The following MAX variants were observed in gnomAD, a reference collection of about 807,000 sequenced individuals.
MAX encodes the protein protein max.
In MAX, 3 loss-of-function variants were observed where a neutral mutation model predicts 22.3. The ratio of observed to expected loss-of-function variants is 0.13; its 90% confidence interval spans 0.06 to 0.35. The LOEUF (loss-of-function observed/expected upper bound fraction) is 0.35. Ranked by LOEUF, MAX falls within the 10% of genes least tolerant of loss-of-function variation. The probability of loss-of-function intolerance (pLI) is 1.00; values close to 1 mark genes in which losing one functional copy is unlikely to be tolerated. For synonymous variants in MAX, 72 were observed against 77.7 expected (o/e 0.93, Z 0.39); for missense variants, 119 against 209.4 (o/e 0.57, Z 2.66).
In MAX at chr14:65,027,414, C is replaced by T; in HGVS notation, c.172-21130G>A. ...GGAATTTGGTGTTTTGACATGAATG[C>T]TCTCTGACTTTGTTTTTGCCCTTTG... On this transcript the variant is annotated intron_variant, in intron 3 of 3. Coordinates refer to the MAX transcript ENST00000341653. The surrounding 1 kb of genome is among the most constrained non-coding windows in gnomAD (Gnocchi z 5.7). The T allele has an allele frequency of 1.2e-6, 2 of 1,610,198 alleles. No homozygotes were observed. Among genetic ancestry groups the T allele is most frequent in the Non-Finnish European group, 8.5e-7 (1 of 1,177,926 alleles).
At chr14:65,013,492 A>G (rs1172608550) in intron 3 of MAX, among the ~76,000 whole-genome samples, 1 of 152,202 alleles carries the variant, frequency 6.6e-6, no homozygotes, top group Non-Finnish European at 1.5e-5. Context: ...TAGTTATGTT[A>G]CAGTTGGTAC....
chr14:65,046,687 C>T (rs1443599565), intron 3 of MAX, among the ~76,000 whole-genome samples: 1 of 151,910 alleles, frequency 6.6e-6, no homozygotes, highest in Non-Finnish European at 1.5e-5. Flanking sequence ...GAAAGGAGGG[C>T]AAAATACTGA....
intron 3 of MAX, among the ~76,000 whole-genome samples, chr14:65,085,311 C>T (rs1188674720): frequency 6.6e-6 from 1 of 152,102 alleles, no homozygotes; most frequent in African/African-American, 2.4e-5. Flanking sequence ...TTGTCATAGC[C>T]AAAGGGAAGG....
At chr14:65,070,324 T>C (rs1188880825), downstream of MAX, among the ~76,000 whole-genome samples, 4 of 152,144 alleles carry the variant, frequency 2.6e-5, no homozygotes, top group Non-Finnish European at 5.9e-5. This position sits in a 1 kb window ranked among gnomAD's most constrained non-coding sequence, Gnocchi z 4.4. Context: ...TTTCTTAATA[T>C]TGGATCCTTG....
In MAX at chr14:65,032,080, G is replaced by A. The variant is rs1038725581; in HGVS notation, c.172-25796C>T. 1.3e-5 allele frequency among the ~76,000 whole-genome samples: 2 copies of A among 150,652 alleles called. No homozygotes were observed. Among genetic ancestry groups the A allele is most frequent in the Admixed American group, 6.6e-5 (1 of 15,142 alleles). ...CCTCTAGAGGTTTAAGGACTGTATT[G>A]GAGTGGACTCACCTGTTCCTATCCT... On this transcript the variant is annotated intron_variant, in intron 3 of 3. Coordinates refer to the MAX transcript ENST00000341653. The surrounding 1 kb of genome is among the most constrained non-coding windows in gnomAD (Gnocchi z 5.0).
Position 65,047,188 on chromosome 14 carries a change from G to C in MAX, c.172-40904C>G, listed in dbSNP as rs2062503385. Reference sequence around the variant, plus strand: ...TTCCCAAGCCCTCACTGTATGCCAGGGGCTGTACTGAGCATTTCACATATG... The same window carrying C: ...TTCCCAAGCCCTCACTGTATGCCAGCGGCTGTACTGAGCATTTCACATATG... On this transcript the variant is annotated intron_variant, in intron 3 of 3. Transcript: ENST00000341653. This position sits in a 1 kb window ranked among gnomAD's most constrained non-coding sequence, Gnocchi z 5.2. 6.6e-6 allele frequency among the ~76,000 whole-genome samples: 1 copy of C among 152,110 alleles called. No individual in the cohort carries two copies. The highest frequency in any genetic ancestry group is 2.4e-5 in the African/African-American group (1 of 41,416).
At chr14:65,085,535 C>T (rs2139809879) in intron 3 of MAX, among the ~76,000 whole-genome samples, 1 of 152,292 alleles carries the variant, frequency 6.6e-6, no homozygotes, top group South Asian at 2.1e-4. Flanking sequence ...GTATGACAGT[C>T]TCCCAGAAGG....
chr14:65,086,384 T>A (rs1455647010), intron 3 of MAX, among the ~76,000 whole-genome samples: 1 of 152,050 alleles, frequency 6.6e-6, no homozygotes, highest in African/African-American at 2.4e-5. Context: ...GACAGAAAAA[T>A]GTGGGAAAGT....
Position 65,009,608 on chromosome 14 carries a change from C to T in MAX, c.172-3324G>A, listed in dbSNP as rs546687256. Reference sequence around the variant, plus strand: ...TCACCTCTCCTACTATACCCTCATCCCAGCCCTCCTCCATCCTCTTTACAG... The same window carrying T: ...TCACCTCTCCTACTATACCCTCATCTCAGCCCTCCTCCATCCTCTTTACAG... On this transcript the variant is annotated intron_variant, in intron 3 of 3. Transcript: ENST00000341653. The surrounding 1 kb of genome is among the most constrained non-coding windows in gnomAD (Gnocchi z 4.2). 1.9e-4 allele frequency among the ~76,000 whole-genome samples: 29 copies of T among 152,260 alleles called. No homozygotes were observed. Among genetic ancestry groups the T allele is most frequent in the Middle Eastern group, 3.4e-3 (1 of 294 alleles).
rs2061609341 is a variant in MAX at position 65,007,244 on chromosome 14, A to G, written c.172-960T>C. On this transcript the variant is annotated intron_variant, in intron 3 of 3. Coordinates refer to the MAX transcript ENST00000341653. The surrounding 1 kb of genome is among the most constrained non-coding windows in gnomAD (Gnocchi z 4.9). ...TTTAAATCATTATCACAGTCTCAAT[A>G]TTTAACATATTAATAGTCAAAATTT... Among the ~76,000 whole-genome samples the G allele has an allele frequency of 6.6e-6, 1 of 152,268 alleles. No individual in the cohort carries two copies. The highest frequency in any genetic ancestry group is 6.5e-5 in the Admixed American group (1 of 15,288).
chr14:65,052,481 A>G (rs780333783), intron 3 of MAX, among the ~76,000 whole-genome samples: 48 of 152,314 alleles, frequency 3.2e-4, no homozygotes, highest in Non-Finnish European at 5.7e-4. Flanking sequence ...TATATTTTTA[A>G]TCGATTTCTA....
At chr14:65,015,418 T>TC in intron 3 of MAX, 1 of 293,272 alleles carries the variant, frequency 3.4e-6, no homozygotes. Context: ...ATCTTTTTTT[T>TC]TTTTTTTTTT....
chr14:65,059,819 G>C (rs1170054586), intron 3 of MAX, among the ~76,000 whole-genome samples: 1 of 149,622 alleles, frequency 6.7e-6, no homozygotes, highest in African/African-American at 2.5e-5. Context: ...CTACATATTA[G>C]GGTTGTGGTC....
intron 3 of MAX, chr14:65,053,082 G>A (rs538106721): frequency 3.4e-4 from 155 of 460,810 alleles, no homozygotes; most frequent in Non-Finnish European, 3.9e-4. Context: ...CATGCTGTGC[G>A]TAGGACATGG....
chr14:65,021,543 G>C (rs1342677810), intron 3 of MAX, among the ~76,000 whole-genome samples: 2 of 152,090 alleles, frequency 1.3e-5, no homozygotes, highest in Non-Finnish European at 2.9e-5. Context: ...GCACCTGGTG[G>C]GTGCAGGTCA....
chr14:65,079,600 G>A lies in MAX; in HGVS notation c.172-1564C>T, dbSNP rs966068277. 4.6e-5 allele frequency among the ~76,000 whole-genome samples: 7 copies of A among 152,192 alleles called. No individual in the cohort carries two copies. Among genetic ancestry groups the A allele is most frequent in the Admixed American group, 3.9e-4 (6 of 15,282 alleles). ...TCCAGCCAGAGACTCCTGAGCAGCC[G>A]GAAAGCTTCTTACTCAGGGTAGGGA... On this transcript the variant is annotated intron_variant, in intron 3 of 4. Transcript: ENST00000358664. This position sits in a 1 kb window ranked among gnomAD's most constrained non-coding sequence, Gnocchi z 4.5.
intron 3 of MAX, among the ~76,000 whole-genome samples, chr14:65,015,275 G>A (rs2061749101): frequency 1.3e-5 from 2 of 151,684 alleles, no homozygotes; most frequent in South Asian, 4.2e-4. Context: ...GCTAATTTTT[G>A]TAATTTTAAT....
At chr14:65,090,310 A>G (rs892858417) in intron 3 of MAX, 6 of 152,142 alleles carry the variant, frequency 3.9e-5, no homozygotes, top group Non-Finnish European at 2.9e-5. Context: ...GCAACTGGCA[A>G]TCCTGAGTTC....
At position 65,069,055 on chromosome 14, in the gene MAX, G is replaced by A. The variant is rs181477517; in HGVS notation, c.171+24653C>T. Among the ~76,000 whole-genome samples the A allele has an allele frequency of 7.2e-5, 11 of 152,214 alleles. No homozygotes were observed. Among genetic ancestry groups the A allele is most frequent in the Admixed American group, 2.6e-4 (4 of 15,300 alleles). Reference sequence around the variant, plus strand: ...GAGGTAGCCAGGTAAGGCAGATGCCGATGGTGATGACGTAAGTGCTAGGTG... The same window carrying A: ...GAGGTAGCCAGGTAAGGCAGATGCCAATGGTGATGACGTAAGTGCTAGGTG... On this transcript the variant is annotated intron_variant, in intron 3 of 3. Coordinates refer to the MAX transcript ENST00000341653. This position sits in a 1 kb window ranked among gnomAD's most constrained non-coding sequence, Gnocchi z 4.6.
Sources: gnomAD v4.1 joint callset for allele counts (sites outside exome capture counted in the v4.1 genomes callset) on GRCh38, gnomAD v4.1.1 for gene constraint, Gnocchi (gnomAD v3.1) non-coding constraint, MANE v1.5 for transcripts, NCBI Gene and HGNC (gene_info 2026-07-23, HGNC 2026-07-21) for gene names.